HEMK2: variants seen among roughly 807,000 people sequenced by gnomAD.
HEMK2 encodes HemK methyltransferase 2, ETF1 glutamine and histone H4 lysine.
the HEMK2 span, among the ~76,000 whole-genome samples, chr21:28,715,464 G>T: frequency 0.017 from 2,541 of 152,168 alleles, 73 homozygotes; most frequent in African/African-American, 0.057. Flanking sequence ...GTCTGTTTAT[G>T]TCCTTTGCCC....
At chr21:28,747,371 G>T in the HEMK2 span, among the ~76,000 whole-genome samples, 1 of 152,224 alleles carries the variant, frequency 6.6e-6, no homozygotes. Flanking sequence ...GTTCCTGCCA[G>T]ATCAGTTTCT....
At chr21:28,690,626 C>G in the HEMK2 span, among the ~76,000 whole-genome samples, 1 of 152,082 alleles carries the variant, frequency 6.6e-6, no homozygotes, top group Non-Finnish European at 1.5e-5. Context: ...CCTAGAAGCC[C>G]CCTCTATGTG....
At chr21:28,651,210 C>T in the HEMK2 span, among the ~76,000 whole-genome samples, 1 of 152,162 alleles carries the variant, frequency 6.6e-6, no homozygotes, top group Non-Finnish European at 1.5e-5. Flanking sequence ...CACTTTAAAA[C>T]ATAATAAAGA....
At chr21:28,693,072 A>T in the HEMK2 span, among the ~76,000 whole-genome samples, 3 of 152,172 alleles carry the variant, frequency 2.0e-5, no homozygotes, top group Non-Finnish European at 4.4e-5. Flanking sequence ...GGAATTAGAT[A>T]GTGGTGATGA....
chr21:28,866,609 C>CTA, the HEMK2 span, among the ~76,000 whole-genome samples: 1 of 151,034 alleles, frequency 6.6e-6, no homozygotes, highest in East Asian at 2.0e-4. Flanking sequence ...TGGCACATGC[C>CTA]TATAATCCAG....
the HEMK2 span, among the ~76,000 whole-genome samples, chr21:28,864,833 A>C: frequency 3.7e-5 from 5 of 133,376 alleles, no homozygotes; most frequent in African/African-American, 1.4e-4. Context: ...ATAGATAGAT[A>C]GATAGATAGA....
chr21:28,637,256 G>C, the HEMK2 span, among the ~76,000 whole-genome samples: 1 of 152,132 alleles, frequency 6.6e-6, no homozygotes, highest in African/African-American at 2.4e-5. Flanking sequence ...TTAGGGTGGT[G>C]ATTCTGAGAT....
chr21:28,812,401 CAT>C, the HEMK2 span, among the ~76,000 whole-genome samples: 1 of 152,132 alleles, frequency 6.6e-6, no homozygotes, highest in Non-Finnish European at 1.5e-5. Flanking sequence ...TTGAGATAAT[CAT>C]GTGGTTTTTG....
the HEMK2 span, among the ~76,000 whole-genome samples, chr21:28,792,090 A>T: frequency 1.3e-5 from 2 of 152,176 alleles, no homozygotes; most frequent in Non-Finnish European, 1.5e-5. Context: ...ACAGTTTACA[A>T]ATGCCATGGT....
the HEMK2 span, among the ~76,000 whole-genome samples, chr21:28,594,764 T>C: frequency 6.6e-6 from 1 of 152,236 alleles, no homozygotes; most frequent in Non-Finnish European, 1.5e-5. Context: ...TGTCATTGAA[T>C]ACTAAACCTA....
At chr21:28,643,796 C>T in the HEMK2 span, among the ~76,000 whole-genome samples, 1 of 152,190 alleles carries the variant, frequency 6.6e-6, no homozygotes, top group Non-Finnish European at 1.5e-5. Context: ...GTTCTAGCAG[C>T]CTGAATAGAC....
chr21:28,593,966 A>T, the HEMK2 span, among the ~76,000 whole-genome samples: 5 of 152,198 alleles, frequency 3.3e-5, no homozygotes, highest in Non-Finnish European at 7.3e-5. Context: ...GCAAAATTTG[A>T]CAAACACTAC....
At chr21:28,843,432 T>G in the HEMK2 span, among the ~76,000 whole-genome samples, 1 of 152,120 alleles carries the variant, frequency 6.6e-6, no homozygotes, top group African/African-American at 2.4e-5. Flanking sequence ...CATGTGGTGA[T>G]TACAATTTGG....
At chr21:28,836,149 T>G in the HEMK2 span, among the ~76,000 whole-genome samples, 2 of 152,140 alleles carry the variant, frequency 1.3e-5, no homozygotes, top group African/African-American at 4.8e-5. Flanking sequence ...CCTGGGAAAT[T>G]CATCGCAAAA....
At chr21:28,799,336 C>T in the HEMK2 span, among the ~76,000 whole-genome samples, 3 of 152,148 alleles carry the variant, frequency 2.0e-5, no homozygotes, top group Admixed American at 6.5e-5. Context: ...TCTCATGAGA[C>T]TTATTCCCTA....
chr21:28,746,277 C>T, the HEMK2 span, among the ~76,000 whole-genome samples: 3 of 152,294 alleles, frequency 2.0e-5, no homozygotes, highest in African/African-American at 7.2e-5. Context: ...AATATGTTTA[C>T]ATGTTTTGAA....
the HEMK2 span, among the ~76,000 whole-genome samples, chr21:28,603,491 C>T: frequency 6.6e-6 from 1 of 151,084 alleles, no homozygotes; most frequent in Admixed American, 6.6e-5. Context: ...TAGATAGATA[C>T]AAACTCACTC....
the HEMK2 span, among the ~76,000 whole-genome samples, chr21:28,771,968 GA>G: frequency 0.21 from 30,078 of 146,230 alleles, 3,314 homozygotes; most frequent in East Asian, 0.41. Flanking sequence ...AATCTTAAAA[GA>G]AAAAAAAAAA....
chr21:28,858,372 C>T, the HEMK2 span, among the ~76,000 whole-genome samples: 1 of 152,158 alleles, frequency 6.6e-6, no homozygotes, highest in African/African-American at 2.4e-5. Flanking sequence ...CCAGTTATAA[C>T]CTTGGGAAGC....
Sources: gnomAD v4.1 joint callset for allele counts (sites outside exome capture counted in the v4.1 genomes callset) on GRCh38, gnomAD v4.1.1 for gene constraint, MANE v1.5 for transcripts, NCBI Gene and HGNC (gene_info 2026-07-23, HGNC 2026-07-21) for gene names.